The following SLC36A1 variants were observed in gnomAD, a reference collection of about 807,000 sequenced individuals.
SLC36A1 encodes the protein solute carrier family 36 member 1.
SLC36A1 carries 30 observed loss-of-function variants against 47.5 expected under a neutral mutation model. That is an observed-to-expected ratio of 0.63 (90% CI 0.47 to 0.86). The LOEUF (loss-of-function observed/expected upper bound fraction) is 0.86, where lower values mean the gene tolerates loss of function less well. SLC36A1 is among the 40% of genes least tolerant of loss of function. The pLI, the probability that SLC36A1 is intolerant of heterozygous loss-of-function variation, is 0.00. For missense variants in SLC36A1, 517 were observed against 606.0 expected (o/e 0.85, Z 1.54); for synonymous variants, 255 against 249.7 (o/e 1.02, Z -0.20).
the SLC36A1 span, chr5:151,425,281 G>C: frequency 2.6e-5 from 4 of 152,370 alleles, no homozygotes; most frequent in Non-Finnish European, 1.5e-5. Context: ...CCGCGCCGCT[G>C]TCAGGACCAC....
chr5:151,380,765 G>T, the SLC36A1 span: 1 of 536,150 alleles, frequency 1.9e-6, no homozygotes. Flanking sequence ...CAGACAGATG[G>T]TGGACATTGT....
the SLC36A1 span, among the ~76,000 whole-genome samples, chr5:151,429,203 T>A: frequency 0.22 from 34,127 of 151,776 alleles, 4,061 homozygotes; most frequent in African/African-American, 0.29. Context: ...TTTTTATTTT[T>A]TAAAATTTTT....
chr5:151,390,974 A>G, the SLC36A1 span, among the ~76,000 whole-genome samples: 3 of 152,286 alleles, frequency 2.0e-5, no homozygotes, highest in Admixed American at 2.0e-4. Context: ...CGGGGATGGC[A>G]CTGAATCTAT....
chr5:151,440,959 G>T (rs546552756), intron 1 of SLC36A1, among the ~76,000 whole-genome samples: 2 of 152,338 alleles, frequency 1.3e-5, no homozygotes, highest in East Asian at 3.9e-4. Flanking sequence ...TGGTTCTACA[G>T]CACGAGAGAG....
At chr5:151,535,938 T>C in the SLC36A1 span, among the ~76,000 whole-genome samples, 4 of 152,086 alleles carry the variant, frequency 2.6e-5, no homozygotes, top group Non-Finnish European at 5.9e-5. Context: ...AAAACCTGGT[T>C]TGAGAGAGGT....
chr5:151,531,863 G>A, the SLC36A1 span: 1 of 1,614,166 alleles, frequency 6.2e-7, no homozygotes, highest in African/African-American at 1.3e-5. The surrounding 1 kb of genome is among the most constrained non-coding windows in gnomAD (Gnocchi z 5.7). Context: ...GGTGCCTGGG[G>A]CCTGACCTGC....
chr5:151,531,464 A>C, the SLC36A1 span: 1 of 1,312,124 alleles, frequency 7.6e-7, no homozygotes, highest in East Asian at 2.5e-5. This position sits in a 1 kb window ranked among gnomAD's most constrained non-coding sequence, Gnocchi z 5.7. Flanking sequence ...GAATGGAGAA[A>C]CGACCAGAGG....
At chr5:151,455,995 A>C (rs1754437556) in intron 1 of SLC36A1, among the ~76,000 whole-genome samples, 1 of 152,152 alleles carries the variant, frequency 6.6e-6, no homozygotes, top group African/African-American at 2.4e-5. Context: ...TTCAAGAGGT[A>C]ATTATTTAAC....
At chr5:151,480,061 GTAA>G in intron 10 of SLC36A1, 1 of 1,494,044 alleles carries the variant, frequency 6.7e-7, no homozygotes, top group Non-Finnish European at 8.9e-7. Flanking sequence ...TCCCAGGAGT[GTAA>G]GTTAAAAGAC....
chr5:151,499,548 C>T, the SLC36A1 span, among the ~76,000 whole-genome samples: 6 of 152,196 alleles, frequency 3.9e-5, no homozygotes, highest in East Asian at 1.9e-4. Context: ...CAACAGATGT[C>T]GTTTTCCCCC....
the SLC36A1 span, chr5:151,512,532 A>T: frequency 1.2e-6 from 2 of 1,614,150 alleles, no homozygotes; most frequent in African/African-American, 2.7e-5. This position sits in a 1 kb window ranked among gnomAD's most constrained non-coding sequence, Gnocchi z 4.1. Flanking sequence ...GGTCATTCAC[A>T]TGGCGCTGGG....
chr5:151,347,444 CT>C, the SLC36A1 span: 1 of 1,614,072 alleles, frequency 6.2e-7, no homozygotes, highest in Non-Finnish European at 8.5e-7. Flanking sequence ...ACCCTCAGTA[CT>C]TTTTGTCACA....
chr5:151,537,957 A>G, the SLC36A1 span: 3 of 1,612,880 alleles, frequency 1.9e-6, no homozygotes, highest in East Asian at 4.5e-5. Context: ...CTAGAGATGG[A>G]AAGACAAAGA....
chr5:151,509,975 A>T, the SLC36A1 span: 3 of 1,606,924 alleles, frequency 1.9e-6, no homozygotes, highest in Non-Finnish European at 1.7e-6. Flanking sequence ...TACAGAGCGC[A>T]TTCCCTAACA....
chr5:151,412,652 T>G, the SLC36A1 span: 1 of 144,120 alleles, frequency 6.9e-6, no homozygotes, highest in Non-Finnish European at 1.5e-5. Context: ...GCAAGGGAAA[T>G]GTGAACACTG....
the SLC36A1 span, among the ~76,000 whole-genome samples, chr5:151,409,301 T>C: frequency 6.6e-6 from 1 of 151,830 alleles, no homozygotes; most frequent in Non-Finnish European, 1.5e-5. Context: ...CTGCATCTGG[T>C]TGGGGTGGGG....
the SLC36A1 span, chr5:151,509,958 G>T: frequency 1.3e-6 from 2 of 1,574,680 alleles, no homozygotes; most frequent in Admixed American, 3.4e-5. Context: ...CTTTCTAGAG[G>T]TCAGAGTACA....
At position 151,467,610 on chromosome 5, in the gene SLC36A1, C is replaced by T. The variant is rs186550473; in HGVS notation, c.505-97C>T. The T allele has an allele frequency of 7.2e-5, 74 of 1,027,842 alleles. No homozygotes were observed. The Middle Eastern group carries it at 1.2e-3, about 17-fold the overall frequency. 63.7% of individuals were successfully genotyped at this position (1,027,842 alleles called of 1,614,324 possible). The stretch of plus-strand genomic sequence containing the variant: ...CAGATTCTAAAAGGCCTTGTTCACA[C>T]ACCTGAGCCTTTCCTCAGGAACCTC... On this transcript the variant is annotated intron_variant, in intron 6 of 10. Coordinates refer to ENST00000243389, the MANE Select transcript of SLC36A1 (RefSeq NM_078483.4).
the SLC36A1 span, among the ~76,000 whole-genome samples, chr5:151,523,517 CTG>C: frequency 6.6e-6 from 1 of 152,158 alleles, no homozygotes; most frequent in South Asian, 2.1e-4. Flanking sequence ...TGTCTATAGC[CTG>C]TGTTTTTCTT....
Sources: gnomAD v4.1 joint callset for allele counts (sites outside exome capture counted in the v4.1 genomes callset) on GRCh38, gnomAD v4.1.1 for gene constraint, Gnocchi (gnomAD v3.1) non-coding constraint, MANE v1.5 for transcripts, NCBI Gene and HGNC (gene_info 2026-07-23, HGNC 2026-07-21) for gene names.